The following SAMTOR variants were observed in gnomAD, a reference collection of about 807,000 sequenced individuals.
The protein encoded by SAMTOR is S-adenosylmethionine sensor upstream of mTORC1, also known as UPF0532 protein C7orf60.
chr7:112,907,341 G>T, the SAMTOR span, among the ~76,000 whole-genome samples: 1 of 152,036 alleles, frequency 6.6e-6, no homozygotes, highest in Non-Finnish European at 1.5e-5. Flanking sequence ...TTTTAAACAG[G>T]TCAGAGATTT....
the SAMTOR span, among the ~76,000 whole-genome samples, chr7:112,839,869 AC>A: frequency 3.3e-5 from 5 of 151,840 alleles, no homozygotes; most frequent in Non-Finnish European, 7.4e-5. Flanking sequence ...ACCTTTTATC[AC>A]AAAAAATGTC....
At chr7:112,932,411 T>C in the SAMTOR span, among the ~76,000 whole-genome samples, 2 of 152,224 alleles carry the variant, frequency 1.3e-5, no homozygotes, top group African/African-American at 4.8e-5. Context: ...TAATCTAATA[T>C]ACTCAATTTA....
the SAMTOR span, among the ~76,000 whole-genome samples, chr7:112,871,031 A>C: frequency 6.6e-6 from 1 of 152,202 alleles, no homozygotes; most frequent in East Asian, 1.9e-4. Flanking sequence ...GATTCATAAA[A>C]TAATTACTTC....
the SAMTOR span, chr7:112,939,857 G>T: frequency 1.2e-6 from 1 of 856,416 alleles, no homozygotes; most frequent in Non-Finnish European, 1.8e-6. Flanking sequence ...GCCAGAGGAG[G>T]CAGAGGAACC....
chr7:112,825,097 C>CTGT, the SAMTOR span, among the ~76,000 whole-genome samples: 1 of 152,168 alleles, frequency 6.6e-6, no homozygotes. Context: ...TCTTAGCTCA[C>CTGT]TGCAACCTCC....
the SAMTOR span, chr7:112,819,529 T>C: frequency 1.3e-5 from 2 of 152,386 alleles, no homozygotes; most frequent in Admixed American, 6.5e-5. Flanking sequence ...GAATTGGTTT[T>C]TGTGGAATGT....
chr7:112,837,458 G>A, the SAMTOR span, among the ~76,000 whole-genome samples: 64 of 151,952 alleles, frequency 4.2e-4, no homozygotes, highest in South Asian at 0.01. Flanking sequence ...AGGACTTCAG[G>A]AAATCATTTT....
chr7:112,911,068 T>C, the SAMTOR span, among the ~76,000 whole-genome samples: 4 of 152,084 alleles, frequency 2.6e-5, no homozygotes, highest in South Asian at 2.1e-4. Context: ...AGGGTAGAAA[T>C]ACTCTGCTGG....
At chr7:112,888,108 A>G in the SAMTOR span, among the ~76,000 whole-genome samples, 1 of 152,106 alleles carries the variant, frequency 6.6e-6, no homozygotes, top group Non-Finnish European at 1.5e-5. Context: ...ACATACTACA[A>G]ATTTGATGAG....
At chr7:112,920,047 T>C in the SAMTOR span, among the ~76,000 whole-genome samples, 1 of 152,282 alleles carries the variant, frequency 6.6e-6, no homozygotes, top group African/African-American at 2.4e-5. Flanking sequence ...CCATTCCTTC[T>C]GAAACTATTC....
the SAMTOR span, among the ~76,000 whole-genome samples, chr7:112,835,897 T>C: frequency 6.6e-6 from 1 of 152,196 alleles, no homozygotes; most frequent in Admixed American, 6.5e-5. Flanking sequence ...GTTGGGCATT[T>C]AGGTTGATTC....
the SAMTOR span, among the ~76,000 whole-genome samples, chr7:112,852,593 A>AAAT: frequency 0.011 from 1,614 of 152,212 alleles, 29 homozygotes; most frequent in African/African-American, 0.036. Context: ...AAATCTATTC[A>AAAT]AATAATAAAA....
chr7:112,824,346 GTTTTT>G, the SAMTOR span, among the ~76,000 whole-genome samples: 1 of 151,320 alleles, frequency 6.6e-6, no homozygotes, highest in African/African-American at 2.4e-5. Flanking sequence ...TACATTTTGA[GTTTTT>G]TTTGTTTGTT....
chr7:112,829,425 A>G, the SAMTOR span, among the ~76,000 whole-genome samples: 4 of 152,156 alleles, frequency 2.6e-5, no homozygotes, highest in Non-Finnish European at 4.4e-5. Flanking sequence ...AAACTGTGTA[A>G]AAGTTTAGCT....
At chr7:112,903,550 T>C in the SAMTOR span, among the ~76,000 whole-genome samples, 3 of 152,086 alleles carry the variant, frequency 2.0e-5, no homozygotes, top group South Asian at 2.1e-4. Flanking sequence ...ATTTCTGGAG[T>C]GTGATAGTTG....
chr7:112,893,954 C>T, the SAMTOR span, among the ~76,000 whole-genome samples: 4 of 152,362 alleles, frequency 2.6e-5, no homozygotes, highest in South Asian at 6.2e-4. Flanking sequence ...GAATTCACAA[C>T]TCAGTTAATT....
the SAMTOR span, among the ~76,000 whole-genome samples, chr7:112,919,148 T>C: frequency 6.6e-6 from 1 of 152,078 alleles, no homozygotes; most frequent in East Asian, 1.9e-4. Flanking sequence ...AATATACATT[T>C]TTTTCAGCAC....
the SAMTOR span, among the ~76,000 whole-genome samples, chr7:112,834,875 A>C: frequency 6.6e-6 from 1 of 152,156 alleles, no homozygotes; most frequent in Non-Finnish European, 1.5e-5. Flanking sequence ...GGGTAAGTGA[A>C]GTACCATAAG....
the SAMTOR span, among the ~76,000 whole-genome samples, chr7:112,882,718 A>C: frequency 8.6e-5 from 13 of 150,562 alleles, no homozygotes; most frequent in Non-Finnish European, 1.3e-4. Flanking sequence ...ACCAACCAAC[A>C]ACAACAAAAA....
Sources: gnomAD v4.1 joint callset for allele counts (sites outside exome capture counted in the v4.1 genomes callset) on GRCh38, gnomAD v4.1.1 for gene constraint, MANE v1.5 for transcripts, NCBI Gene and HGNC (gene_info 2026-07-23, HGNC 2026-07-21) for gene names.